The following ZNF710 variants were observed in gnomAD, a reference collection of about 807,000 sequenced individuals.
ZNF710 encodes zinc finger protein 710.
A neutral mutation model predicts 50.6 loss-of-function variants in ZNF710; 13 were observed. That is an observed-to-expected ratio of 0.26 (90% confidence interval 0.17 to 0.41). The LOEUF is 0.41. Among genes scored for constraint, ZNF710 ranks in the 10% least tolerant of loss-of-function variants. ZNF710 has a pLI of 1.00. For synonymous variants in ZNF710, 383 were observed against 397.0 expected (o/e 0.96, Z 0.42); for missense variants, 721 against 936.6 (o/e 0.77, Z 3.01).
chr15:90,024,684 T>C (rs1898724262), intron 1 of ZNF710, among the ~76,000 whole-genome samples: 2 of 152,200 alleles, frequency 1.3e-5, no homozygotes, highest in Admixed American at 1.3e-4. Flanking sequence ...TACTTTATCA[T>C]CTCTGCTGCC....
chr15:90,062,734 C>A lies in ZNF710; in HGVS notation c.-28-4376C>A, dbSNP rs1900048181. The stretch of plus-strand genomic sequence containing the variant: ...GGAGAACAGAGTGATACCGGGCCTC[C>A]CCACTCCTCATTTCCGTGTGCGATA... On this transcript the variant is annotated intron_variant, in intron 1 of 4. Coordinates refer to ENST00000268154, the MANE Select transcript of ZNF710 (RefSeq NM_198526.4). This position sits in a 1 kb window ranked among gnomAD's most constrained non-coding sequence, Gnocchi z 5.6. Among the ~76,000 whole-genome samples the A allele has an allele frequency of 6.6e-6, 1 of 152,158 alleles. No homozygotes were observed. Among genetic ancestry groups the A allele is most frequent in the African/African-American group, 2.4e-5 (1 of 41,432 alleles).
chr15:90,028,012 T>C (rs1898829372), intron 1 of ZNF710, among the ~76,000 whole-genome samples: 1 of 152,230 alleles, frequency 6.6e-6, no homozygotes. Flanking sequence ...TTGTTGACTC[T>C]ATTGAATTAA....
At chr15:90,074,365 AGAG>A in intron 4 of ZNF710, 75 bp downstream of exon 4, 3 of 1,594,714 alleles carry the variant, frequency 1.9e-6, no homozygotes, top group Non-Finnish European at 1.7e-6. Flanking sequence ...CTGCCCAGTT[AGAG>A]GAGTGGGGAG....
chr15:90,067,293 A>G lies in ZNF710; in HGVS notation c.156A>G (p.Ser52=), dbSNP rs769962821. 1.7e-5 allele frequency: 28 copies of G among 1,611,298 alleles called. 1 individual carries two copies. In the South Asian group the frequency reaches 2.8e-4, roughly 16 times the overall value. The change falls in exon 2 of 5, where the codon TCA becomes TCG. Residue 52 remains serine (S), a synonymous_variant. Transcript: ENST00000268154. The surrounding 1 kb of genome is among the most constrained non-coding windows in gnomAD (Gnocchi z 8.1). ...ACCCGGACCTGGGGCCCGAGCTTTC[A>G]GGGGCAGCCATGGGAGAGCCCGAGC... is the stretch of plus-strand genomic sequence containing the variant. The part of the protein sequence containing the change: ...AFYPDLGPEL[S]GAAMGEPEPP...
chr15:90,043,730 G>A (rs570363895), intron 1 of ZNF710, among the ~76,000 whole-genome samples: 3 of 152,260 alleles, frequency 2.0e-5, no homozygotes, highest in African/African-American at 7.2e-5. Flanking sequence ...TCCCCTGCAC[G>A]CTGCATTCAC....
At chr15:89,998,430 T>G (rs1334980232), upstream of ZNF710, among the ~76,000 whole-genome samples, 1 of 152,206 alleles carries the variant, frequency 6.6e-6, no homozygotes, top group Non-Finnish European at 1.5e-5. Context: ...CAAGCTCTGG[T>G]CATGTTCCTG....
intron 4 of ZNF710, 93 bp from the exon 5 acceptor site, chr15:90,079,567 C>G: frequency 1.3e-6 from 2 of 1,500,128 alleles, no homozygotes; most frequent in Admixed American, 4.2e-5. Flanking sequence ...CTGGGAAGCC[C>G]TCTCTTTAGA....
In ZNF710 at chr15:90,023,891, C is replaced by T. The variant is rs1169442413; in HGVS notation, c.-29+22277C>T. The stretch of plus-strand genomic sequence containing the variant: ...GCATACACCTGTAGTCCCAGCTACT[C>T]GGGAAGCTAAGATAGGCAGATCACT... On this transcript the variant is annotated intron_variant, in intron 1 of 4. Coordinates refer to ENST00000268154, the MANE Select transcript of ZNF710 (RefSeq NM_198526.4). Among the ~76,000 whole-genome samples, 4 of 152,024 alleles carry T rather than the reference C, an allele frequency of 2.6e-5. No individual in the cohort carries two copies. The East Asian group carries it at 5.8e-4, about 22-fold the overall frequency.
chr15:90,025,869 A>G (rs1322633710), intron 1 of ZNF710: 1 of 152,216 alleles, frequency 6.6e-6, no homozygotes, highest in African/African-American at 2.4e-5. Context: ...GGTTCAAGGA[A>G]GAAATAAAGA....
At chr15:90,038,740 T>TGTGTGTGAGAGA (rs150950322) in intron 1 of ZNF710, among the ~76,000 whole-genome samples, 1 of 148,528 alleles carries the variant, frequency 6.7e-6, no homozygotes, top group African/African-American at 2.6e-5. Flanking sequence ...TGTGTGTGTG[T>TGTGTGTGAGAGA]GAGACATTGG....
At chr15:90,036,234 G>A (rs1406458803) in intron 1 of ZNF710, among the ~76,000 whole-genome samples, 5 of 61,822 alleles carry the variant, frequency 8.1e-5, no homozygotes, top group South Asian at 4.5e-4. Context: ...CTTGCCGCCC[G>A]CCCCCCACCC....
chr15:90,044,095 T>A (rs1899384258), intron 1 of ZNF710, among the ~76,000 whole-genome samples: 1 of 152,210 alleles, frequency 6.6e-6, no homozygotes, highest in African/African-American at 2.4e-5. Flanking sequence ...AAAAACCTGT[T>A]GAAGACACTG....
intron 1 of ZNF710, among the ~76,000 whole-genome samples, chr15:90,052,615 C>T (rs766260381): frequency 6.6e-6 from 1 of 152,160 alleles, no homozygotes; most frequent in Non-Finnish European, 1.5e-5. Context: ...TCAGTTTGCT[C>T]ATCTGTAAAA....
chr15:90,003,269 C>T (rs1898060418), intron 1 of ZNF710, among the ~76,000 whole-genome samples: 1 of 152,190 alleles, frequency 6.6e-6, no homozygotes, highest in Middle Eastern at 3.2e-3. Flanking sequence ...CTGCAAAGGG[C>T]ACCCTGAGCA....
chr15:90,014,837 C>T (rs572631472), intron 1 of ZNF710, among the ~76,000 whole-genome samples: 269 of 151,868 alleles, frequency 1.8e-3, no homozygotes, highest in Non-Finnish European at 2.6e-3. Context: ...ATTTCCATTT[C>T]CTTAATATCT....
chr15:90,002,263 C>T (rs1023979443), intron 1 of ZNF710, among the ~76,000 whole-genome samples: 5 of 151,616 alleles, frequency 3.3e-5, no homozygotes, highest in African/African-American at 1.2e-4. Context: ...GCTGGCGGGG[C>T]TGGGGGCGTC....
At chr15:90,008,871 G>A (rs144452436) in intron 1 of ZNF710, among the ~76,000 whole-genome samples, 1 of 152,136 alleles carries the variant, frequency 6.6e-6, no homozygotes, top group African/African-American at 2.4e-5. Flanking sequence ...TTTATTTCTG[G>A]GAGAACTAAG....
Position 90,059,953 on chromosome 15 carries a change from C to T in ZNF710, c.-28-7157C>T, listed in dbSNP as rs1051260103. 3.9e-5 allele frequency among the ~76,000 whole-genome samples: 6 copies of T among 152,198 alleles called. No individual in the cohort carries two copies. The highest frequency in any genetic ancestry group is 1.4e-4 in the African/African-American group (6 of 41,466). On this transcript the variant is annotated intron_variant, in intron 1 of 4. Coordinates refer to ENST00000268154, the MANE Select transcript of ZNF710 (RefSeq NM_198526.4). The surrounding 1 kb of genome is among the most constrained non-coding windows in gnomAD (Gnocchi z 4.1). ...AGCTTCAGCCTCTCCAGCCCCAGGG[C>T]CCTGGACTCCAAGGGGCAAAAGGCC...
At chr15:90,032,238 T>G (rs1406794741) in intron 1 of ZNF710, among the ~76,000 whole-genome samples, 1 of 152,046 alleles carries the variant, frequency 6.6e-6, no homozygotes, top group African/African-American at 2.4e-5. Flanking sequence ...CCTCAGGTGA[T>G]CCTCCCGCCT....
Sources: gnomAD v4.1 joint callset for allele counts (sites outside exome capture counted in the v4.1 genomes callset) on GRCh38, gnomAD v4.1.1 for gene constraint, Gnocchi (gnomAD v3.1) non-coding constraint, MANE v1.5 for transcripts, NCBI Gene and HGNC (gene_info 2026-07-23, HGNC 2026-07-21) for gene names.